CCDC85A: variants seen among roughly 807,000 people sequenced by gnomAD.
CCDC85A encodes the protein coiled-coil domain-containing protein 85A.
CCDC85A carries 38 observed loss-of-function variants against 50.2 expected under a neutral mutation model. The observed-to-expected ratio is 0.76, with a 90% CI of 0.58 to 0.99. CCDC85A has a LOEUF of 0.99. Ranked by LOEUF, CCDC85A falls within the 50% of genes least tolerant of loss-of-function variation. CCDC85A has a pLI of 0.00. For synonymous variants in CCDC85A, 366 were observed against 301.4 expected (o/e 1.21, Z -2.22); for missense variants, 820 against 742.0 (o/e 1.11, Z -1.22).
intron 5 of CCDC85A, among the ~76,000 whole-genome samples, chr2:56,381,388 T>C (rs999375541): frequency 5.3e-5 from 8 of 152,080 alleles, no homozygotes; most frequent in African/African-American, 1.9e-4. Flanking sequence ...ATAGGAACTG[T>C]TGGACTAGAA....
intron 2 of CCDC85A, among the ~76,000 whole-genome samples, chr2:56,239,258 C>T (rs1304258785): frequency 6.6e-6 from 1 of 151,978 alleles, no homozygotes; most frequent in Non-Finnish European, 1.5e-5. Context: ...GTCCTATGCT[C>T]AAGGTACATG....
At chr2:56,246,650 A>G (rs1351937741) in intron 2 of CCDC85A, among the ~76,000 whole-genome samples, 1 of 152,196 alleles carries the variant, frequency 6.6e-6, no homozygotes, top group East Asian at 1.9e-4. Context: ...AATTGCCTTG[A>G]CACTGTTTTT....
chr2:56,297,582 G>T (rs1274162314), intron 2 of CCDC85A, among the ~76,000 whole-genome samples: 3 of 152,140 alleles, frequency 2.0e-5, no homozygotes, highest in Admixed American at 1.3e-4. Context: ...ACAGTGCAGG[G>T]CCATGGAAAG....
At chr2:56,303,215 G>A (rs1490832577) in intron 2 of CCDC85A, among the ~76,000 whole-genome samples, 1 of 152,030 alleles carries the variant, frequency 6.6e-6, no homozygotes, top group African/African-American at 2.4e-5. Context: ...TGAGGCCTGG[G>A]GTTATGTCTC....
At chr2:56,246,501 CT>C (rs1197989055) in intron 2 of CCDC85A, among the ~76,000 whole-genome samples, 1 of 150,954 alleles carries the variant, frequency 6.6e-6, no homozygotes, top group Non-Finnish European at 1.5e-5. Flanking sequence ...ATAGTTTTAC[CT>C]GTTACTTTTA....
intron 2 of CCDC85A, among the ~76,000 whole-genome samples, chr2:56,287,393 T>G (rs1012225463): frequency 6.6e-6 from 1 of 152,220 alleles, no homozygotes; most frequent in Non-Finnish European, 1.5e-5. Flanking sequence ...GAAAGTGTCC[T>G]CAGGCAGAAA....
intron 2 of CCDC85A, among the ~76,000 whole-genome samples, chr2:56,279,634 C>G (rs1201770687): frequency 6.6e-6 from 1 of 152,122 alleles, no homozygotes; most frequent in Non-Finnish European, 1.5e-5. Context: ...TCTATGAGAT[C>G]AACTTTTTTA....
At chr2:56,274,343 A>G (rs552679682) in intron 2 of CCDC85A, among the ~76,000 whole-genome samples, 1 of 152,260 alleles carries the variant, frequency 6.6e-6, no homozygotes, top group South Asian at 2.1e-4. Context: ...TTAAGAAATG[A>G]TTGTGGGGGC....
At chr2:56,321,132 G>A (rs1179671943) in intron 2 of CCDC85A, among the ~76,000 whole-genome samples, 3 of 151,988 alleles carry the variant, frequency 2.0e-5, no homozygotes, top group Non-Finnish European at 4.4e-5. Context: ...GTATTGATGG[G>A]ATGTATCTCA....
At position 56,385,077 on chromosome 2, in the gene CCDC85A, C is replaced by G. The variant is rs1676762300; in HGVS notation, c.*722C>G. ...CTTTTTTTTTCATCTTAATGAGTTT[C>G]TCATAAAGACACATCTTGGGGCATA... On this transcript the variant is annotated 3_prime_UTR_variant, in exon 6 of 6. Coordinates refer to ENST00000407595, the MANE Select transcript of CCDC85A (RefSeq NM_001080433.2). 6.6e-6 allele frequency: 1 copy of G among 151,780 alleles called. No homozygotes were observed. The highest frequency in any genetic ancestry group is 2.1e-4 in the South Asian group (1 of 4,814). 9.4% of individuals were successfully genotyped at this position (151,780 alleles called of 1,614,324 possible).
chr2:56,321,030 A>C (rs1403746517), intron 2 of CCDC85A, among the ~76,000 whole-genome samples: 1 of 152,280 alleles, frequency 6.6e-6, no homozygotes, highest in East Asian at 1.9e-4. Context: ...ACAGAACCAA[A>C]GACAAAAACC....
intron 3 of CCDC85A, among the ~76,000 whole-genome samples, chr2:56,365,676 C>T (rs1405859602): frequency 6.6e-6 from 1 of 152,198 alleles, no homozygotes; most frequent in Admixed American, 6.5e-5. Context: ...CTGTGTACAA[C>T]ATGATGTTTT....
intron 5 of CCDC85A, among the ~76,000 whole-genome samples, chr2:56,380,943 A>G (rs1676556126): frequency 1.3e-5 from 2 of 152,086 alleles, no homozygotes; most frequent in South Asian, 4.1e-4. Context: ...GGATGTGAAA[A>G]TTGCTTAGAA....
intron 3 of CCDC85A, among the ~76,000 whole-genome samples, chr2:56,367,229 G>A (rs533774606): frequency 1.3e-5 from 2 of 152,128 alleles, no homozygotes; most frequent in African/African-American, 2.4e-5. Context: ...CCTGCCCACA[G>A]CGTATTCTCT....
At position 56,192,911 on chromosome 2, in the gene CCDC85A, G is replaced by A. The variant is rs971394913; in HGVS notation, c.711G>A (p.Leu237=). The A allele has an allele frequency of 1.7e-5, 28 of 1,609,960 alleles. No individual in the cohort carries two copies. The highest frequency in any genetic ancestry group is 2.2e-5 in the South Asian group (2 of 90,834). Residue 237 remains leucine, a synonymous_variant, in exon 2 of 6, where the codon CTG becomes CTA. Coordinates refer to ENST00000407595, the MANE Select transcript of CCDC85A (RefSeq NM_001080433.2). The surrounding 1 kb of genome is among the most constrained non-coding windows in gnomAD (Gnocchi z 4.7). The part of the protein sequence containing the change: ...HHASSGSPEH[L]QKPRSEGSPE... The stretch of plus-strand genomic sequence containing the variant: ...CGAGCAGTGGCAGCCCGGAGCACCT[G>A]CAGAAGCCCCGGAGCGAGGGCAGCC...
intron 5 of CCDC85A, among the ~76,000 whole-genome samples, chr2:56,382,924 T>G (rs1280095869): frequency 6.6e-6 from 1 of 151,980 alleles, no homozygotes; most frequent in African/African-American, 2.4e-5. Context: ...GGAAAGTCCA[T>G]AGCATCCTTT....
At chr2:56,318,637 A>T (rs1673024219) in intron 2 of CCDC85A, among the ~76,000 whole-genome samples, 1 of 152,096 alleles carries the variant, frequency 6.6e-6, no homozygotes, top group Non-Finnish European at 1.5e-5. Flanking sequence ...GGCCCAATTT[A>T]AATGTTTATT....
intron 2 of CCDC85A, among the ~76,000 whole-genome samples, chr2:56,330,963 G>C (rs1673760380): frequency 6.6e-6 from 1 of 151,862 alleles, no homozygotes; most frequent in Non-Finnish European, 1.5e-5. Context: ...CATAGATATG[G>C]AATCAACCTA....
rs188337189 is a variant in CCDC85A, at chr2:56,349,991, C to T, written c.1317+7036C>T. The stretch of plus-strand genomic sequence containing the variant: ...ATGTAGATACTTATGAGAAGCAATA[C>T]TAAGGAATATTTGGAAAAAAAATGG... On this transcript the variant is annotated intron_variant, in intron 3 of 5. Coordinates refer to ENST00000407595, the MANE Select transcript of CCDC85A (RefSeq NM_001080433.2). 7.9e-3 allele frequency among the ~76,000 whole-genome samples: 1,176 copies of T among 149,488 alleles called. 10 individuals carry two copies. The highest frequency in any genetic ancestry group is 0.012 in the Non-Finnish European group (783 of 67,568).
Sources: gnomAD v4.1 joint callset for allele counts (sites outside exome capture counted in the v4.1 genomes callset) on GRCh38, gnomAD v4.1.1 for gene constraint, Gnocchi (gnomAD v3.1) non-coding constraint, MANE v1.5 for transcripts, NCBI Gene and HGNC (gene_info 2026-07-23, HGNC 2026-07-21) for gene names.